ODAD4: variants seen among roughly 807,000 people sequenced by gnomAD.
ODAD4 encodes outer dynein arm-docking complex subunit 4.
Under a neutral mutation model 51.8 loss-of-function variants are expected in ODAD4, and 49 were observed. The ratio of observed to expected loss-of-function variants is 0.95; its 90% CI spans 0.75 to 1.20. ODAD4 has a LOEUF of 1.20. ODAD4 is among the 50% of genes most tolerant of loss of function. The pLI is 0.00. For missense variants in ODAD4, 590 were observed against 586.5 expected (o/e 1.01, Z -0.06); for synonymous variants, 235 against 221.3 (o/e 1.06, Z -0.55).
chr17:41,959,157 G>A (rs2050772073), intron 10 of ODAD4, among the ~76,000 whole-genome samples: 1 of 152,220 alleles, frequency 6.6e-6, no homozygotes, highest in Non-Finnish European at 1.5e-5. Flanking sequence ...ACTTGGAGGT[G>A]CTCTGGGCTC....
intron 1 of ODAD4, 44 bp downstream of exon 1, chr17:41,930,881 CT>C (rs782820445): frequency 0.017 from 1,622 of 96,184 alleles, no homozygotes; most frequent in South Asian, 0.021. Context: ...TCACCCGTCA[CT>C]TTTTTTTTTT....
chr17:41,936,482 C>T lies in ODAD4; in HGVS notation c.407C>T (p.Ser136Phe), dbSNP rs782419861. The T allele has an allele frequency of 1.2e-6, 2 of 1,613,030 alleles. No homozygotes were observed. Among genetic ancestry groups the T allele is most frequent in the Non-Finnish European group, 1.7e-6 (2 of 1,179,498 alleles). The change falls in exon 4 of 12, where the codon TCC (serine) becomes TTC (phenylalanine). Residue 136 changes from serine (S) to phenylalanine (F), a missense_variant. This residue lies in a region of ODAD4 where 360 missense variants were observed against 407.5 expected (regional missense o/e 0.88). Coordinates refer to ENST00000377540, the MANE Select transcript of ODAD4 (RefSeq NM_031421.5). The stretch of plus-strand genomic sequence containing the variant: ...GCTTCTTTCCTTGCAGGTCCTTCTT[C>T]CATTAAGCTGGAGAACAAAGGGGAC... ...AINNSVGSPS[S>F]IKLENKGDLS...
chr17:41,954,481 C>T (rs2050701464), intron 9 of ODAD4, among the ~76,000 whole-genome samples: 1 of 152,046 alleles, frequency 6.6e-6, no homozygotes, highest in Non-Finnish European at 1.5e-5. Context: ...GTTCCAGCAG[C>T]TGGCCCATGG....
chr17:41,931,049 A>G (rs2050327398), intron 1 of ODAD4, among the ~76,000 whole-genome samples: 1 of 151,528 alleles, frequency 6.6e-6, no homozygotes, highest in African/African-American at 2.4e-5. Flanking sequence ...GCGTGCCACC[A>G]TGCCCGGCTA....
intron 1 of ODAD4, among the ~76,000 whole-genome samples, chr17:41,931,263 T>C (rs1598064890): frequency 6.6e-6 from 1 of 152,190 alleles, no homozygotes; most frequent in East Asian, 1.9e-4. Flanking sequence ...CTGTTGTTTC[T>C]ATTATTCACT....
intron 10 of ODAD4, among the ~76,000 whole-genome samples, chr17:41,959,811 C>T (rs1159233313): frequency 1.3e-5 from 2 of 152,184 alleles, no homozygotes; most frequent in Non-Finnish European, 2.9e-5. Context: ...GAGGCAGGTT[C>T]ATGGTGAGCT....
intron 8 of ODAD4, among the ~76,000 whole-genome samples, chr17:41,947,741 G>C (rs2050606525): frequency 6.6e-6 from 1 of 152,058 alleles, no homozygotes; most frequent in South Asian, 2.1e-4. Flanking sequence ...GTTGCAGTGA[G>C]CTGAGATGGC....
chr17:41,952,655 C>T (rs568457136), intron 9 of ODAD4: 1 of 517,628 alleles, frequency 1.9e-6, no homozygotes, highest in South Asian at 1.4e-5. Context: ...GTCAGAGTCC[C>T]ACTGGTCTTG....
intron 7 of ODAD4, among the ~76,000 whole-genome samples, chr17:41,943,608 C>T (rs1294399927): frequency 6.6e-6 from 1 of 152,192 alleles, no homozygotes. Flanking sequence ...GGTGGAATGT[C>T]ATCAGTTAAG....
chr17:41,960,447 CA>C (rs11343868), intron 10 of ODAD4, among the ~76,000 whole-genome samples: 132,035 of 151,144 alleles, frequency 0.87, 58,041 homozygotes, highest in East Asian at 1. Flanking sequence ...GACTCTGTCT[CA>C]AAAAAAAAAA....
chr17:41,947,611 C>T (rs1413927426), intron 8 of ODAD4, among the ~76,000 whole-genome samples: 2 of 149,638 alleles, frequency 1.3e-5, no homozygotes, highest in Non-Finnish European at 3.0e-5. Flanking sequence ...GCCTGGCCAA[C>T]GTGGGGAAAC....
intron 1 of ODAD4, among the ~76,000 whole-genome samples, chr17:41,933,419 G>A (rs1439440155): frequency 1.3e-5 from 2 of 151,730 alleles, no homozygotes; most frequent in African/African-American, 4.8e-5. Flanking sequence ...GGGAGGCCAA[G>A]GCAGGTGGAT....
At chr17:41,956,615 G>A (rs1216889737) in intron 10 of ODAD4, among the ~76,000 whole-genome samples, 4 of 151,672 alleles carry the variant, frequency 2.6e-5, no homozygotes, top group South Asian at 2.1e-4. Context: ...AAAATTAGCC[G>A]GGTGTGGTGA....
chr17:41,949,568 C>T lies in ODAD4; in HGVS notation c.1342+219C>T, dbSNP rs996147122. Among the ~76,000 whole-genome samples the T allele has an allele frequency of 1.9e-3, 285 of 152,294 alleles. 1 individual carries two copies. The highest frequency in any genetic ancestry group is 6.3e-3 in the African/African-American group (260 of 41,570). On this transcript the variant is annotated intron_variant, in intron 9 of 11. Transcript: ENST00000377540. ...TTGGGGTACCTTGAGCCTACCTCTG[C>T]CCTTGAGGAGGTCAGCTGCAGACCC...
At position 41,965,656 on chromosome 17, in the gene ODAD4, G is replaced by C. The variant is rs1555642622; in HGVS notation, c.*173G>C. On this transcript the variant is annotated 3_prime_UTR_variant, in exon 12 of 12. Transcript: ENST00000377540. ...GGTGTCTTTCACTCTTGCAAACCCT[G>C]AGTCTGTCACTTTGCCTCTTCACCC... 3.5e-6 allele frequency: 2 copies of C among 578,502 alleles called. No homozygotes were observed. The highest frequency in any genetic ancestry group is 6.1e-6 in the Non-Finnish European group (2 of 328,734). 35.8% of individuals were successfully genotyped at this position (578,502 alleles called of 1,614,324 possible). A position where few individuals can be genotyped will look rare whatever the true frequency, so the allele number is the denominator to read the frequency against.
rs1024003188 is a variant in ODAD4, at chr17:41,965,574, T to C, written c.*91T>C. On this transcript the variant is annotated 3_prime_UTR_variant, in exon 12 of 12. Transcript: ENST00000377540. ...GGATTTTCAAGCGATTTGTCTGTTA[T>C]AGGAAAAATGAGGGTTTTACTTCTG... is the stretch of plus-strand genomic sequence containing the variant. 10 of 652,404 alleles carry C rather than the reference T, an allele frequency of 1.5e-5. No individual in the cohort carries two copies. The highest frequency in any genetic ancestry group is 1.1e-4 in the African/African-American group (6 of 55,334). 40.4% of individuals were successfully genotyped at this position (652,404 alleles called of 1,614,324 possible).
intron 10 of ODAD4, among the ~76,000 whole-genome samples, chr17:41,958,383 G>A (rs548909211): frequency 6.6e-6 from 1 of 152,266 alleles, no homozygotes; most frequent in South Asian, 2.1e-4. Context: ...AAACTAGGCT[G>A]GGTGTGGTGG....
chr17:41,948,496 T>C (rs1250111957), intron 8 of ODAD4, among the ~76,000 whole-genome samples: 3 of 149,334 alleles, frequency 2.0e-5, no homozygotes, highest in African/African-American at 7.4e-5. Flanking sequence ...TTGTATTTTT[T>C]TGTAGAGATG....
At chr17:41,955,406 A>G (rs2050717431) in intron 10 of ODAD4, 89 bp downstream of exon 10, 5 of 668,140 alleles carry the variant, frequency 7.5e-6, no homozygotes, top group South Asian at 4.8e-5. Context: ...CTTGGGCGCC[A>G]TTCCACAGCC....
Sources: allele counts gnomAD v4.1 joint callset (sites outside exome capture counted in the v4.1 genomes callset), GRCh38; gene constraint gnomAD v4.1.1; regional missense constraint gnomAD v4.1.1; transcripts MANE v1.5; gene names NCBI Gene and HGNC (gene_info 2026-07-23, HGNC 2026-07-21).